Variants in RUSC1 observed in about 807,000 individuals in gnomAD.
RUSC1 encodes RUN and SH3 domain containing 1.
RUSC1 carries 40 observed loss-of-function variants against 72.1 expected under a neutral mutation model. That is an observed-to-expected ratio of 0.55 (90% CI 0.43 to 0.72). The LOEUF (loss-of-function observed/expected upper bound fraction) is 0.72. Among genes scored for constraint, RUSC1 ranks in the 30% least tolerant of loss-of-function variants. The pLI, the probability that RUSC1 is intolerant of heterozygous loss-of-function variation, is 0.00. For synonymous variants in RUSC1, 512 were observed against 494.2 expected (o/e 1.04, Z -0.48); for missense variants, 1,092 against 1,172.3 (o/e 0.93, Z 1.00).
chr1:155,325,622 G>T lies in RUSC1; in HGVS notation c.1764G>T (p.Pro588=). 1.2e-6 allele frequency: 2 copies of T among 1,613,152 alleles called. No homozygotes were observed. The highest frequency in any genetic ancestry group is 1.3e-5 in the African/African-American group (1 of 75,030). The change falls in exon 6 of 10, where the codon CCG becomes CCT. Residue 588 remains proline (P), a synonymous_variant. Coordinates refer to ENST00000368352, the MANE Select transcript of RUSC1 (RefSeq NM_001105203.2). The surrounding 1 kb of genome is among the most constrained non-coding windows in gnomAD (Gnocchi z 6.5). The part of the protein sequence containing the change: ...TLYSQVSRLA[P]LSSSRSRFHA... ...ATAGCCAGGTCAGCCGTCTAGCCCC[G>T]CTGAGCAGCAGCCGTAGCCGCTTCC...
intron 8 of RUSC1, 66 bp from the exon 9 acceptor site, chr1:155,328,084 C>T: frequency 1.3e-6 from 2 of 1,555,438 alleles, no homozygotes; most frequent in Non-Finnish European, 8.7e-7. Flanking sequence ...TCCCTCCCTC[C>T]AAACCCCAGG....
chr1:155,324,682 C>T (rs1040456745), intron 2 of RUSC1, 163 bp from the exon 3 acceptor site: 1 of 1,540,204 alleles, frequency 6.5e-7, no homozygotes, highest in South Asian at 1.2e-5. Flanking sequence ...CTCCGGGGCT[C>T]GGGTCGAGCT....
rs1277804841 is a variant in RUSC1 at position 155,322,400 on chromosome 1, C to T, written c.627C>T (p.Thr209=). The T allele has an allele frequency of 1.2e-6, 2 of 1,614,192 alleles. No homozygotes were observed. Among genetic ancestry groups the T allele is most frequent in the Admixed American group, 3.3e-5 (2 of 60,034 alleles). ...EDERAEQDLP[T]SELLEADDGK... is the part of the protein sequence containing the mutation. ...AGAGGGCGGAGCAGGATCTCCCTACCTCTGAGCTCTTAGAGGCGGATGATG... is the reference window on the plus strand; with the variant it reads ...AGAGGGCGGAGCAGGATCTCCCTACTTCTGAGCTCTTAGAGGCGGATGATG... The change falls in exon 2 of 10, where the codon ACC becomes ACT. Residue 209 remains threonine, a synonymous_variant. Transcript: ENST00000368352.
chr1:155,325,759 C>G lies in RUSC1; in HGVS notation c.1814+87C>G, dbSNP rs1463117548. On this transcript the variant is annotated intron_variant, in intron 6 of 9. Transcript: ENST00000368352. The surrounding 1 kb of genome is among the most constrained non-coding windows in gnomAD (Gnocchi z 6.5). ...GGACACAGTAGTAGTGCCTCACATCCCCAGAGAAGGCCCCCCCTCTTCCAA... is the reference window on the plus strand; with the variant it reads ...GGACACAGTAGTAGTGCCTCACATCGCCAGAGAAGGCCCCCCCTCTTCCAA... 6 of 1,579,742 alleles carry G rather than the reference C, an allele frequency of 3.8e-6. No individual in the cohort carries two copies. The highest frequency in any genetic ancestry group is 2.7e-5 in the African/African-American group (2 of 74,006).
chr1:155,327,991 C>T (rs1651592226), intron 8 of RUSC1, among the ~76,000 whole-genome samples, 159 bp from the exon 9 acceptor site: 1 of 152,184 alleles, frequency 6.6e-6, no homozygotes, highest in African/African-American at 2.4e-5. Flanking sequence ...CCTAAAAGTG[C>T]CTGTGTCCAA....
intron 2 of RUSC1, chr1:155,323,865 G>A: frequency 1.0e-6 from 1 of 968,052 alleles, no homozygotes; most frequent in Non-Finnish European, 1.2e-6. Flanking sequence ...GGGCCGCCCC[G>A]CCCACTCTCG....
chr1:155,321,060 A>T, intron 1 of RUSC1, 69 bp downstream of exon 1: 1 of 1,436,420 alleles, frequency 7.0e-7, no homozygotes, highest in Non-Finnish European at 9.4e-7. Context: ...AGGACAAGGG[A>T]GCAGGAGAAA....
chr1:155,328,209 C>T lies in RUSC1; in HGVS notation c.2474C>T (p.Ala825Val). ...VSVLALVKRG[A>V]PPEMPSPQEL... ...GTGTTGGCTCTTGTGAAGCGGGGGGCACCTCCCGAGATGCCTTCTCCTCAG... is the reference window on the plus strand; with the variant it reads ...GTGTTGGCTCTTGTGAAGCGGGGGGTACCTCCCGAGATGCCTTCTCCTCAG... Residue 825 changes from alanine to valine, a missense_variant, in exon 9 of 10, where the codon GCA becomes GTA. Coordinates refer to ENST00000368352, the MANE Select transcript of RUSC1 (RefSeq NM_001105203.2). 1 of 1,613,402 alleles carries T rather than the reference C, an allele frequency of 6.2e-7. No homozygotes were observed. Among genetic ancestry groups the T allele is most frequent in the Non-Finnish European group, 8.5e-7 (1 of 1,179,702 alleles).
chr1:155,329,876 T>C (rs1317870089), intron 9 of RUSC1, among the ~76,000 whole-genome samples: 1 of 148,804 alleles, frequency 6.7e-6, no homozygotes, highest in East Asian at 2.0e-4. Flanking sequence ...GAGAATTGCT[T>C]GAACCTGGGA....
intron 1 of RUSC1, chr1:155,321,209 C>G (rs367838241): frequency 1.5e-6 from 2 of 1,362,578 alleles, no homozygotes; most frequent in African/African-American, 3.0e-5. Context: ...GACAAGCTGA[C>G]GGCTGCTCCA....
Position 155,326,445 on chromosome 1 carries a change from C to A in RUSC1, c.1862-135C>A. 1 of 890,672 alleles carries A rather than the reference C, an allele frequency of 1.1e-6. No homozygotes were observed. Among genetic ancestry groups the A allele is most frequent in the Non-Finnish European group, 1.7e-6 (1 of 596,138 alleles). 55.2% of individuals were successfully genotyped at this position (890,672 alleles called of 1,614,324 possible). A position where few individuals can be genotyped will look rare whatever the true frequency, so the allele number is the denominator to read the frequency against. ...GGGATGTCAGTCCTATAGCCCACCA[C>A]ATCCTTCCTCCTCTCTGCCCCAGTG... is the stretch of plus-strand genomic sequence containing the variant. On this transcript the variant is annotated intron_variant, in intron 7 of 9. Coordinates refer to ENST00000368352, the MANE Select transcript of RUSC1 (RefSeq NM_001105203.2). This position sits in a 1 kb window ranked among gnomAD's most constrained non-coding sequence, Gnocchi z 4.7.
rs1440877827 is a variant in RUSC1, at chr1:155,325,619, C to T, written c.1761C>T (p.Ala587=). The change falls in exon 6 of 10, where the codon GCC becomes GCT. Residue 587 remains alanine, a synonymous_variant. Coordinates refer to ENST00000368352, the MANE Select transcript of RUSC1 (RefSeq NM_001105203.2). The surrounding 1 kb of genome is among the most constrained non-coding windows in gnomAD (Gnocchi z 6.5). ...TGTATAGCCAGGTCAGCCGTCTAGCCCCGCTGAGCAGCAGCCGTAGCCGCT... is the reference window on the plus strand; with the variant it reads ...TGTATAGCCAGGTCAGCCGTCTAGCTCCGCTGAGCAGCAGCCGTAGCCGCT... ...GTLYSQVSRL[A]PLSSSRSRFH... The T allele has an allele frequency of 6.2e-7, 1 of 1,613,210 alleles. No individual in the cohort carries two copies. Among genetic ancestry groups the T allele is most frequent in the African/African-American group, 1.3e-5 (1 of 75,024 alleles).
chr1:155,325,145 G>T lies in RUSC1; in HGVS notation c.1500G>T (p.Ser500=), dbSNP rs1651192927. 3 of 1,614,102 alleles carry T rather than the reference G, an allele frequency of 1.9e-6. No individual in the cohort carries two copies. ...GCGTCTCCGTTGATAAAATCATCTCGCATTTCGGGGCCGCCCGGAACTTGG... is the reference window on the plus strand; with the variant it reads ...GCGTCTCCGTTGATAAAATCATCTCTCATTTCGGGGCCGCCCGGAACTTGG... The part of the protein sequence containing the change: ...AVSVSVDKII[S]HFGAARNLVQ... Residue 500 remains serine (S), a synonymous_variant, in exon 4 of 10, where the codon TCG becomes TCT. Coordinates refer to ENST00000368352, the MANE Select transcript of RUSC1 (RefSeq NM_001105203.2). The surrounding 1 kb of genome is among the most constrained non-coding windows in gnomAD (Gnocchi z 6.5).
Position 155,325,815 on chromosome 1 carries a change from C to T in RUSC1, c.1815-49C>T. 2 of 1,606,896 alleles carry T rather than the reference C, an allele frequency of 1.2e-6. No individual in the cohort carries two copies. Among genetic ancestry groups the T allele is most frequent in the Non-Finnish European group, 1.7e-6 (2 of 1,173,506 alleles). On this transcript the variant is annotated intron_variant, in intron 6 of 9. Coordinates refer to ENST00000368352, the MANE Select transcript of RUSC1 (RefSeq NM_001105203.2). The surrounding 1 kb of genome is among the most constrained non-coding windows in gnomAD (Gnocchi z 6.5). ...TCTCCCATCCTCCACCCAGAGAGGA[C>T]TGGAGTCCTCCACCTCCCTGAACTT... is the stretch of plus-strand genomic sequence containing the variant.
intron 8 of RUSC1, among the ~76,000 whole-genome samples, chr1:155,327,946 G>T (rs190105105): frequency 1.3e-5 from 2 of 152,358 alleles, no homozygotes; most frequent in South Asian, 2.1e-4. Context: ...GTGATTTGTG[G>T]TGTTGTGGAC....
rs764376944 is a variant in RUSC1, at chr1:155,326,731, G to A, written c.2013G>A (p.Leu671=). 1.2e-6 allele frequency: 2 copies of A among 1,613,188 alleles called. No individual in the cohort carries two copies. The highest frequency in any genetic ancestry group is 1.7e-6 in the Non-Finnish European group (2 of 1,180,022). The part of the protein sequence containing the change: ...LDLLFEHHHH[L]PLGPPQAPAP... ...TGCTCTTTGAGCACCACCACCACCT[G>A]CCCCTGGGCCCACCTCAGGCCCCTG... is the stretch of plus-strand genomic sequence containing the variant. Residue 671 remains leucine, a synonymous_variant, in exon 8 of 10, where the codon CTG becomes CTA. Coordinates refer to ENST00000368352, the MANE Select transcript of RUSC1 (RefSeq NM_001105203.2). This position sits in a 1 kb window ranked among gnomAD's most constrained non-coding sequence, Gnocchi z 4.7.
At chr1:155,329,816 G>A (rs761820935) in intron 9 of RUSC1, among the ~76,000 whole-genome samples, 4 of 151,812 alleles carry the variant, frequency 2.6e-5, no homozygotes, top group African/African-American at 4.8e-5. Flanking sequence ...TTAGCCAGGC[G>A]TGGTGGTGGT....
chr1:155,322,686 G>T lies in RUSC1; in HGVS notation c.913G>T (p.Glu305Ter). The T allele has an allele frequency of 6.2e-7, 1 of 1,614,246 alleles. No homozygotes were observed. The highest frequency in any genetic ancestry group is 8.5e-7 in the Non-Finnish European group (1 of 1,180,040). ...TGGAGGATGGAGAAGTGACGTCAGC[G>T]AGGAGCCGGTGCCCCACCGGACAAT... ...IDGGWRSDVSEEPVPHRTITS... is the reference protein window; with the variant it reads ...IDGGWRSDVS Residue 305 changes from glutamate (E) to a stop codon, truncating the protein, a stop_gained, in exon 2 of 10, where the codon GAG (glutamate) becomes TAG (stop). Transcript: ENST00000368352. LOFTEE classifies it high-confidence loss of function.
intron 9 of RUSC1, 139 bp downstream of exon 9, chr1:155,328,414 A>G (rs1651649490): frequency 1.2e-6 from 1 of 864,224 alleles, no homozygotes; most frequent in Non-Finnish European, 1.6e-6. Context: ...TTTATTATCG[A>G]TGTGTCACTC....
Sources: allele counts gnomAD v4.1 joint callset (sites outside exome capture counted in the v4.1 genomes callset), GRCh38; gene constraint gnomAD v4.1.1; non-coding constraint Gnocchi (gnomAD v3.1); transcripts MANE v1.5; gene names NCBI Gene and HGNC (gene_info 2026-07-23, HGNC 2026-07-21).